ADAM18: variants seen among roughly 807,000 people sequenced by gnomAD.
The protein encoded by ADAM18 is ADAM metallopeptidase domain 18.
ADAM18 carries 117 observed loss-of-function variants against 94.4 expected under a neutral mutation model. The observed-to-expected ratio is 1.24, with a 90% confidence interval of 1.07 to 1.45. The LOEUF (loss-of-function observed/expected upper bound fraction) is 1.45, where lower values mean the gene tolerates loss of function less well. Ranked by LOEUF, ADAM18 falls within the 40% of genes most tolerant of loss-of-function variation. The pLI is 0.00. For synonymous variants in ADAM18, 327 were observed against 291.6 expected, an observed-to-expected ratio of 1.12 and a Z score of -1.24; for missense variants, 936 against 880.0, an observed-to-expected ratio of 1.06 and a Z score of -0.81.
chr8:39,655,275 T>G (rs1820655330), intron 12 of ADAM18, among the ~76,000 whole-genome samples: 1 of 152,196 alleles, frequency 6.6e-6, no homozygotes, highest in South Asian at 2.1e-4. Context: ...TGCCATTTAT[T>G]AAAGAGACTG....
chr8:39,715,549 C>A (rs9657175), intron 18 of ADAM18, among the ~76,000 whole-genome samples: 52,164 of 150,448 alleles, frequency 0.35, 10,197 homozygotes, highest in East Asian at 0.75. Context: ...CATTGATAAA[C>A]CTCTGGCCAT....
rs144621761 is a variant in ADAM18 at position 39,620,537 on chromosome 8, C to A, written c.523-8837C>A. On this transcript the variant is annotated intron_variant, in intron 6 of 19. Coordinates refer to ENST00000265707, the MANE Select transcript of ADAM18 (RefSeq NM_014237.3). Reference sequence around the variant, plus strand: ...TTCTCAAAAGAACACATACAAGTAGCCAACTGTTATATTAAAAATATAATA... The same window carrying A: ...TTCTCAAAAGAACACATACAAGTAGACAACTGTTATATTAAAAATATAATA... 6.8e-3 allele frequency among the ~76,000 whole-genome samples: 989 copies of A among 145,700 alleles called. 8 individuals carry two copies. Among genetic ancestry groups the A allele is most frequent in the Middle Eastern group, 0.04 (11 of 276 alleles).
chr8:39,620,712 T>C (rs900323509), intron 6 of ADAM18, among the ~76,000 whole-genome samples: 15 of 150,746 alleles, frequency 1.0e-4, no homozygotes, highest in Non-Finnish European at 1.6e-4. Context: ...AGCAACAGCA[T>C]AGATGAACTG....
chr8:39,586,659 G>A (rs1227628736), intron 2 of ADAM18, among the ~76,000 whole-genome samples: 1 of 152,126 alleles, frequency 6.6e-6, no homozygotes, highest in Non-Finnish European at 1.5e-5. Context: ...CCCAGCGGTT[G>A]GAGGCTGCAG....
chr8:39,677,541 G>A lies in ADAM18; in HGVS notation c.1631+5G>A, dbSNP rs542469463. The A allele has an allele frequency of 1.2e-5, 19 of 1,575,704 alleles. No homozygotes were observed. Among genetic ancestry groups the A allele is most frequent in the South Asian group, 3.5e-5 (3 of 85,184 alleles). ...ACCATTACCTTGTGAACGGAAGTAC[G>A]TATGTAGAAAATGATTGCTTCTTTG... On this transcript the variant is annotated splice_donor_5th_base_variant and intron_variant, in intron 15 of 19. Transcript: ENST00000265707.
chr8:39,642,725 A>AT (rs1446420743), intron 10 of ADAM18, among the ~76,000 whole-genome samples: 1 of 151,006 alleles, frequency 6.6e-6, no homozygotes. Flanking sequence ...TGTTGTTTTC[A>AT]TTTTTTGTTT....
chr8:39,713,314 T>G (rs1384331413), intron 18 of ADAM18, among the ~76,000 whole-genome samples: 1 of 152,172 alleles, frequency 6.6e-6, no homozygotes, highest in African/African-American at 2.4e-5. Flanking sequence ...TACTTAAATG[T>G]TAGACCTAAA....
chr8:39,584,569 A>C lies in ADAM18; in HGVS notation c.-54A>C. 1 of 1,602,692 alleles carries C rather than the reference A, an allele frequency of 6.2e-7. No homozygotes were observed. The highest frequency in any genetic ancestry group is 8.5e-7 in the Non-Finnish European group (1 of 1,175,480). ...GGCCGAGAGCCTGCCCGCGAGCTCAACGCTGCTCAACGGTCTCTGTCCTTG... is the reference window on the plus strand; with the variant it reads ...GGCCGAGAGCCTGCCCGCGAGCTCACCGCTGCTCAACGGTCTCTGTCCTTG... On this transcript the variant is annotated 5_prime_UTR_variant, in exon 1 of 20. Coordinates refer to ENST00000265707, the MANE Select transcript of ADAM18 (RefSeq NM_014237.3).
intron 13 of ADAM18, among the ~76,000 whole-genome samples, chr8:39,664,358 GAGA>G (rs968720218): frequency 3.3e-5 from 5 of 152,064 alleles, no homozygotes; most frequent in African/African-American, 1.2e-4. Context: ...AAAAATATAT[GAGA>G]AGATGTGTGT....
chr8:39,595,269 A>G (rs1244208957), intron 2 of ADAM18, among the ~76,000 whole-genome samples: 1 of 152,012 alleles, frequency 6.6e-6, no homozygotes, highest in Non-Finnish European at 1.5e-5. Flanking sequence ...GGAATCCTGA[A>G]TAGGTGAAGC....
chr8:39,646,042 T>A (rs1169906532), intron 11 of ADAM18, among the ~76,000 whole-genome samples: 1 of 152,182 alleles, frequency 6.6e-6, no homozygotes, highest in Non-Finnish European at 1.5e-5. Context: ...TTTTCATATT[T>A]GTTCCACAAC....
At chr8:39,653,051 AG>A (rs1820580602) in intron 12 of ADAM18, among the ~76,000 whole-genome samples, 1 of 152,120 alleles carries the variant, frequency 6.6e-6, no homozygotes, top group Non-Finnish European at 1.5e-5. Flanking sequence ...TGGTGGTCAA[AG>A]GATACAGAAT....
chr8:39,716,319 T>A (rs1349884660), intron 18 of ADAM18, among the ~76,000 whole-genome samples: 2 of 151,988 alleles, frequency 1.3e-5, no homozygotes, highest in Non-Finnish European at 2.9e-5. Context: ...TCTCATTTTT[T>A]AAAATGCAAG....
chr8:39,592,072 T>G (rs1818583870), intron 2 of ADAM18, among the ~76,000 whole-genome samples: 1 of 152,200 alleles, frequency 6.6e-6, no homozygotes, highest in Non-Finnish European at 1.5e-5. Context: ...AACCATATTA[T>G]AGTTATACTA....
rs561581901 is a variant in ADAM18 at position 39,587,894 on chromosome 8, T to C, written c.132+2542T>C. 1.6e-4 allele frequency among the ~76,000 whole-genome samples: 25 copies of C among 152,332 alleles called. No homozygotes were observed. The South Asian group carries it at 5.0e-3, about 30-fold the overall frequency. ...CCTTCTTTTTTGAAGCTAAATAGTG[T>C]TCCAATATGTTTATATGCCACATTT... On this transcript the variant is annotated intron_variant, in intron 2 of 19. Transcript: ENST00000265707.
intron 18 of ADAM18, among the ~76,000 whole-genome samples, chr8:39,713,239 G>A (rs1308644261): frequency 2.0e-5 from 3 of 152,186 alleles, no homozygotes; most frequent in Non-Finnish European, 4.4e-5. Flanking sequence ...CTAGTCGCAT[G>A]TAGAAAACTG....
chr8:39,610,511 T>A lies in ADAM18; in HGVS notation c.345-18T>A, dbSNP rs1208199240. On this transcript the variant is annotated intron_variant, in intron 5 of 19. Transcript: ENST00000265707. ...TGAGATTTTTATAACTATTTTCTTA[T>A]GCCTTCTAAATTTTCAGGGGATTTC... The A allele has an allele frequency of 1.9e-6, 3 of 1,582,804 alleles. No homozygotes were observed. Among genetic ancestry groups the A allele is most frequent in the Non-Finnish European group, 2.6e-6 (3 of 1,162,494 alleles).
intron 8 of ADAM18, 100 bp downstream of exon 8, chr8:39,637,435 G>A: frequency 1.4e-6 from 2 of 1,392,380 alleles, no homozygotes; most frequent in Non-Finnish European, 2.0e-6. Context: ...CTTTTTATTA[G>A]TTTAATACTG....
intron 12 of ADAM18, among the ~76,000 whole-genome samples, chr8:39,654,913 G>C (rs894614729): frequency 5.3e-5 from 8 of 152,036 alleles, no homozygotes; most frequent in African/African-American, 1.4e-4. Context: ...GGTTGTTTGA[G>C]TTCCTTATAT....
Sources: allele counts gnomAD v4.1 joint callset (sites outside exome capture counted in the v4.1 genomes callset), GRCh38; gene constraint gnomAD v4.1.1; transcripts MANE v1.5; gene names NCBI Gene and HGNC (gene_info 2026-07-23, HGNC 2026-07-21).